Variants in FHIT observed in about 807,000 individuals in gnomAD.
FHIT encodes fragile histidine triad diadenosine triphosphatase.
In FHIT, 19 loss-of-function variants were observed where a neutral mutation model predicts 17.9. The ratio of observed to expected loss-of-function variants is 1.06; its 90% CI spans 0.74 to 1.56. The LOEUF is 1.56. Ranked by LOEUF, FHIT falls within the 40% of genes most tolerant of loss-of-function variation. FHIT has a pLI of 0.00. For synonymous variants in FHIT, 81 were observed against 69.7 expected (o/e 1.16, Z -0.81); for missense variants, 248 against 189.2 (o/e 1.31, Z -1.82).
At chr3:61,108,328 C>T (rs1290325683) in intron 2 of FHIT, among the ~76,000 whole-genome samples, 3 of 152,162 alleles carry the variant, frequency 2.0e-5, no homozygotes, top group East Asian at 3.9e-4. Flanking sequence ...TAGGCTGCAA[C>T]TTACTATTAT....
intron 5 of FHIT, among the ~76,000 whole-genome samples, chr3:60,253,226 T>C (rs1576373422): frequency 6.6e-6 from 1 of 152,172 alleles, no homozygotes; most frequent in East Asian, 1.9e-4. Flanking sequence ...TTACTTACAA[T>C]GAAGGCTATC....
At chr3:60,721,699 C>T (rs553671818) in intron 4 of FHIT, among the ~76,000 whole-genome samples, 3 of 152,198 alleles carry the variant, frequency 2.0e-5, no homozygotes, top group East Asian at 1.9e-4. Context: ...TAGTCCTCCC[C>T]GAACTTCAGC....
intron 5 of FHIT, among the ~76,000 whole-genome samples, chr3:60,033,539 A>G (rs1476856524): frequency 6.6e-6 from 1 of 152,156 alleles, no homozygotes; most frequent in African/African-American, 2.4e-5. Flanking sequence ...AGAAAAAGAA[A>G]TATGATAATA....
At chr3:59,897,024 G>A (rs753277290) in intron 8 of FHIT, among the ~76,000 whole-genome samples, 2 of 152,136 alleles carry the variant, frequency 1.3e-5, no homozygotes, top group African/African-American at 4.8e-5. Flanking sequence ...AGCACATGCA[G>A]TTCCTCTTGG....
chr3:61,200,538 G>A (rs1469573401), intron 2 of FHIT, 79 bp downstream of exon 2: 1 of 152,652 alleles, frequency 6.6e-6, no homozygotes, highest in African/African-American at 2.4e-5. Flanking sequence ...TTTAGTCCAA[G>A]TGTTTAAATC....
At chr3:59,857,166 A>C (rs1364471212) in intron 8 of FHIT, among the ~76,000 whole-genome samples, 2 of 152,124 alleles carry the variant, frequency 1.3e-5, no homozygotes, top group African/African-American at 4.8e-5. Flanking sequence ...TTTTCAGGGG[A>C]AGCAGTTTTC....
intron 2 of FHIT, among the ~76,000 whole-genome samples, chr3:61,122,162 G>A (rs140838407): frequency 1.3e-5 from 2 of 152,244 alleles, no homozygotes; most frequent in Non-Finnish European, 1.5e-5. Context: ...CAGAGATATA[G>A]ACCAATGGAA....
At chr3:61,204,398 G>A (rs907085518) in intron 1 of FHIT, among the ~76,000 whole-genome samples, 1 of 152,046 alleles carries the variant, frequency 6.6e-6, no homozygotes, top group African/African-American at 2.4e-5. Context: ...TTGCATGTAG[G>A]CTCTATTTCC....
At chr3:60,410,278 AG>A (rs895755152) in intron 5 of FHIT, among the ~76,000 whole-genome samples, 20 of 152,188 alleles carry the variant, frequency 1.3e-4, no homozygotes, top group African/African-American at 4.6e-4. Context: ...ACAAGATGGC[AG>A]GTAATGTATG....
At chr3:60,596,556 T>A (rs2038276975) in intron 4 of FHIT, among the ~76,000 whole-genome samples, 1 of 152,194 alleles carries the variant, frequency 6.6e-6, no homozygotes, top group African/African-American at 2.4e-5. Context: ...AGGCTCCCGT[T>A]TGCTGTTCTT....
At position 61,065,055 on chromosome 3, in the gene FHIT, T is replaced by C. The variant is rs118163229; in HGVS notation, c.-163-22956A>G. ...GTCCTGGGGCATAATTCCCTGTCCT[T>C]TGGCCTGTCTTATTATATAGACTGA... is the stretch of plus-strand genomic sequence containing the variant. On this transcript the variant is annotated intron_variant, in intron 2 of 9. Transcript: ENST00000492590. Among the ~76,000 whole-genome samples the C allele has an allele frequency of 7.3e-3, 1,114 of 152,240 alleles. 46 individuals carry two copies. The highest frequency in any genetic ancestry group is 0.056 in the Admixed American group (848 of 15,278).
chr3:60,864,320 C>T (rs1164422452), intron 3 of FHIT, among the ~76,000 whole-genome samples: 6 of 152,108 alleles, frequency 3.9e-5, no homozygotes, highest in Admixed American at 2.0e-4. Flanking sequence ...AGCTGAGGTA[C>T]AGGCAGGTGA....
At position 61,049,840 on chromosome 3, in the gene FHIT, C is replaced by T. The variant is rs116520944; in HGVS notation, c.-163-7741G>A. ...GAACCAATGGAAGGATTTTTTTGAG[C>T]GTCCCCTGGAGCAGGTCATAAGACC... On this transcript the variant is annotated intron_variant, in intron 2 of 9. Coordinates refer to ENST00000492590, the MANE Select transcript of FHIT (RefSeq NM_002012.4). Among the ~76,000 whole-genome samples the T allele has an allele frequency of 6.2e-3, 938 of 152,204 alleles. 11 individuals are homozygous for T. Among genetic ancestry groups the T allele is most frequent in the African/African-American group, 0.021 (864 of 41,538 alleles).
chr3:61,200,521 C>A (rs73097006), intron 2 of FHIT, 96 bp downstream of exon 2: 5,707 of 152,688 alleles, frequency 0.037, 132 homozygotes, highest in Admixed American at 0.067. Flanking sequence ...GTCCTGTCAG[C>A]TATATCTTTA....
intron 2 of FHIT, among the ~76,000 whole-genome samples, chr3:61,196,443 T>C (rs1174086037): frequency 6.6e-6 from 1 of 152,138 alleles, no homozygotes; most frequent in Non-Finnish European, 1.5e-5. Flanking sequence ...AAAAAAGATA[T>C]AATATCTCCA....
At position 60,040,570 on chromosome 3, in the gene FHIT, A is replaced by G. The variant is rs143273813; in HGVS notation, c.104-26418T>C. On this transcript the variant is annotated intron_variant, in intron 5 of 9. Coordinates refer to ENST00000492590, the MANE Select transcript of FHIT (RefSeq NM_002012.4). ...TCCTCCTCACACTTACCTTTTCTCTATTCCCTTCTCCCAAGCCTGGTTCTG... is the reference window on the plus strand; with the variant it reads ...TCCTCCTCACACTTACCTTTTCTCTGTTCCCTTCTCCCAAGCCTGGTTCTG... Among the ~76,000 whole-genome samples the G allele has an allele frequency of 8.3e-4, 127 of 152,212 alleles. 1 individual carries two copies. Among genetic ancestry groups the G allele is most frequent in the African/African-American group, 2.9e-3 (122 of 41,518 alleles).
At chr3:61,097,068 G>C (rs1170845701) in intron 2 of FHIT, among the ~76,000 whole-genome samples, 1 of 118,248 alleles carries the variant, frequency 8.5e-6, no homozygotes, top group African/African-American at 3.4e-5. Context: ...AACAGAGTGA[G>C]ACTCAATCTC....
chr3:60,692,045 A>G (rs971257762), intron 4 of FHIT, among the ~76,000 whole-genome samples: 1 of 152,196 alleles, frequency 6.6e-6, no homozygotes, highest in African/African-American at 2.4e-5. Context: ...AATCTCTTAC[A>G]GCTAAATGAC....
intron 3 of FHIT, among the ~76,000 whole-genome samples, chr3:61,005,108 A>G (rs1367207746): frequency 6.6e-6 from 1 of 152,118 alleles, no homozygotes; most frequent in Non-Finnish European, 1.5e-5. Flanking sequence ...TTCTCCCTAG[A>G]AAGAATGTGA....
Sources: gnomAD v4.1 joint callset for allele counts (sites outside exome capture counted in the v4.1 genomes callset) on GRCh38, gnomAD v4.1.1 for gene constraint, MANE v1.5 for transcripts, NCBI Gene and HGNC (gene_info 2026-07-23, HGNC 2026-07-21) for gene names.